FCHO1: variants seen among roughly 807,000 people sequenced by gnomAD.
FCHO1 encodes the protein FCH and mu domain containing endocytic adaptor 1, also known as F-BAR domain only protein 1.
In FCHO1, 45 loss-of-function variants were observed where a neutral mutation model predicts 114.4. That is an observed-to-expected ratio of 0.39 (90% CI 0.31 to 0.50). The LOEUF (loss-of-function observed/expected upper bound fraction) is 0.50. Among genes scored for constraint, FCHO1 ranks in the 20% least tolerant of loss-of-function variants. The probability of loss-of-function intolerance (pLI) is 0.77; values close to 1 mark genes in which losing one functional copy is unlikely to be tolerated. For synonymous variants in FCHO1, 480 were observed against 488.9 expected, an observed-to-expected ratio of 0.98 and a Z score of 0.24; for missense variants, 1,042 against 1,209.6, an observed-to-expected ratio of 0.86 and a Z score of 2.06.
rs1475295384 is a variant in FCHO1, at chr19:17,770,856, C to T, written c.554C>T (p.Ala185Val). 3 of 1,614,152 alleles carry T rather than the reference C, an allele frequency of 1.9e-6. No individual in the cohort carries two copies. The highest frequency in any genetic ancestry group is 3.3e-5 in the Admixed American group (2 of 60,024). Reference sequence around the variant, plus strand: ...CGCTCAGTGGAAAAATACAACTCAGCCCGAGCTGACTTTGAGCAGAAGATG... The same window carrying T: ...CGCTCAGTGGAAAAATACAACTCAGTCCGAGCTGACTTTGAGCAGAAGATG... ...LRRSVEKYNS[A>V]RADFEQKMLD... The change falls in exon 9 of 29, where the codon GCC becomes GTC. Residue 185 changes from alanine (A) to valine (V), a missense_variant. Physicochemically the swap from Ala to Val is moderately conservative, Grantham distance 64. This residue lies in a region of FCHO1 where 450 missense variants were observed against 564.1 expected (regional missense o/e 0.80). Coordinates refer to ENST00000596536, the MANE Select transcript of FCHO1 (RefSeq NM_015122.3).
chr19:17,754,981 G>A, intron 3 of FCHO1, 137 bp from the exon 4 acceptor site: 1 of 684,924 alleles, frequency 1.5e-6, no homozygotes, highest in South Asian at 1.6e-5. Flanking sequence ...TATCTCAGGG[G>A]TCCTGGCATG....
chr19:17,774,113 T>A, intron 11 of FCHO1, 126 bp from the exon 12 acceptor site: 1 of 801,278 alleles, frequency 1.2e-6, no homozygotes, highest in Non-Finnish European at 2.1e-6. Context: ...TTCACCATGG[T>A]GGCCAGGCTG....
chr19:17,781,469 C>T lies in FCHO1; in HGVS notation c.1758C>T (p.Pro586=). 3 of 1,614,092 alleles carry T rather than the reference C, an allele frequency of 1.9e-6. No individual in the cohort carries two copies. Among genetic ancestry groups the T allele is most frequent in the Non-Finnish European group, 2.5e-6 (3 of 1,179,998 alleles). ...CCTTCCAGTCTCGTTCCCTGAGCCC[C>T]TCCCCACTGGGCTCTTCAGCCGCCA... The part of the protein sequence containing the change: ...SNGDLSRSLS[P]SPLGSSAAST... The change falls in exon 22 of 29, where the codon CCC becomes CCT. Residue 586 remains proline (P), a synonymous_variant. Coordinates refer to ENST00000596536, the MANE Select transcript of FCHO1 (RefSeq NM_015122.3).
At chr19:17,770,318 AAC>A (rs200187010) in intron 7 of FCHO1, 105 bp from the exon 8 acceptor site, 3,197 of 1,190,394 alleles carry the variant, frequency 2.7e-3, no homozygotes, top group South Asian at 3.3e-3. Context: ...ACCAAACCAA[AAC>A]ACACACACAC....
At chr19:17,766,255 C>T (rs1227607740) in intron 6 of FCHO1, among the ~76,000 whole-genome samples, 1 of 149,556 alleles carries the variant, frequency 6.7e-6, no homozygotes, top group East Asian at 2.0e-4. Context: ...CGGCTCGCTG[C>T]AAGCTCCACC....
chr19:17,781,593 G>C, intron 22 of FCHO1, 54 bp downstream of exon 22: 1 of 1,593,380 alleles, frequency 6.3e-7, no homozygotes. Context: ...ACCTTCTCTG[G>C]TCTGGGTGGG....
chr19:17,783,954 T>C, intron 24 of FCHO1, 149 bp from the exon 25 acceptor site: 1 of 907,450 alleles, frequency 1.1e-6, no homozygotes. Flanking sequence ...ATCCCTCCTT[T>C]ACTGCCCGCA....
chr19:17,781,576 C>G, intron 22 of FCHO1, 37 bp downstream of exon 22: 1 of 1,605,938 alleles, frequency 6.2e-7, no homozygotes, highest in Non-Finnish European at 8.5e-7. Context: ...CTTTGGGCCT[C>G]AGTGTCACCT....
chr19:17,783,208 G>A (rs2093582100), intron 24 of FCHO1, 36 bp downstream of exon 24: 2 of 1,598,202 alleles, frequency 1.3e-6, no homozygotes, highest in Non-Finnish European at 8.6e-7. Flanking sequence ...GGCCTCGGAG[G>A]CTGCTGGGGA....
rs767803812 is a variant in FCHO1, at chr19:17,774,447, C to T, written c.889C>T (p.Arg297Trp). The change falls in exon 13 of 29, where the codon CGG becomes TGG. Residue 297 changes from arginine to tryptophan, a missense_variant. Transcript: ENST00000596536. ...CTTTCGCCTTCCAGGACTAAGCCGGCGGGAGCGGGAGCCAGAGCCACCTGC... is the reference window on the plus strand; with the variant it reads ...CTTTCGCCTTCCAGGACTAAGCCGGTGGGAGCGGGAGCCAGAGCCACCTGC... ...KAFRLPGLSR[R>W]EREPEPPAAV... The T allele has an allele frequency of 1.7e-5, 27 of 1,613,292 alleles. No individual in the cohort carries two copies. In the Admixed American group the frequency reaches 2.2e-4, roughly 13 times the overall value.
In FCHO1 at chr19:17,778,194, C is replaced by T; in HGVS notation, c.1317C>T (p.Pro439=). The part of the protein sequence containing the change: ...EQVSKNLFGP[P]LESAFDHEDF... ...TGTCCAAGAACCTCTTTGGGCCGCC[C>T]CTGGAGTCAGCCTTTGACCACGAAG... is the stretch of plus-strand genomic sequence containing the variant. The change falls in exon 19 of 29, where the codon CCC becomes CCT. Residue 439 remains proline (P), a synonymous_variant. Coordinates refer to ENST00000596536, the MANE Select transcript of FCHO1 (RefSeq NM_015122.3). 6.2e-7 allele frequency: 1 copy of T among 1,613,666 alleles called. No individual in the cohort carries two copies. The highest frequency in any genetic ancestry group is 1.3e-5 in the African/African-American group (1 of 74,998).
Position 17,786,345 on chromosome 19 carries a change from A to G in FCHO1, c.2427-229A>G, listed in dbSNP as rs560520484. Reference sequence around the variant, plus strand: ...GAGACACCATCTCAAAAAAACACACAAAAAAACACAAAACAAACACACACA... The same window carrying G: ...GAGACACCATCTCAAAAAAACACACGAAAAAACACAAAACAAACACACACA... On this transcript the variant is annotated intron_variant, in intron 26 of 28. Coordinates refer to ENST00000596536, the MANE Select transcript of FCHO1 (RefSeq NM_015122.3). 2.2e-5 allele frequency among the ~76,000 whole-genome samples: 3 copies of G among 135,302 alleles called. No individual in the cohort carries two copies. The South Asian group carries it at 6.7e-4, about 30-fold the overall frequency. The allele number at this position is 135,302 out of a possible 152,430, so 88.8% of individuals were successfully genotyped here. A position where few individuals can be genotyped will look rare whatever the true frequency, so the allele number is the denominator to read the frequency against.
intron 20 of FCHO1, 104 bp from the exon 21 acceptor site, chr19:17,781,127 C>A: frequency 1.3e-6 from 1 of 767,538 alleles, no homozygotes; most frequent in Non-Finnish European, 2.2e-6. Flanking sequence ...GGGGTCTCTG[C>A]AGAAAAGCCC....
At chr19:17,774,206 GC>G in intron 11 of FCHO1, 32 bp from the exon 12 acceptor site, 1 of 1,611,650 alleles carries the variant, frequency 6.2e-7, no homozygotes, top group Non-Finnish European at 8.5e-7. Context: ...ACCGTGCCCA[GC>G]CCCTCAATTG....
chr19:17,757,653 C>T lies in FCHO1; in HGVS notation c.27+2462C>T, dbSNP rs144129530. 4.4e-3 allele frequency among the ~76,000 whole-genome samples: 663 copies of T among 152,274 alleles called. 3 individuals are homozygous for T. The highest frequency in any genetic ancestry group is 0.015 in the African/African-American group (626 of 41,546). On this transcript the variant is annotated intron_variant, in intron 4 of 28. Transcript: ENST00000596536. The stretch of plus-strand genomic sequence containing the variant: ...AATATAGGTGGAGCGTGGTAGCTCA[C>T]GTCTGTAATCCAAACACTTTGAGAA...
At chr19:17,756,619 TG>T (rs2083616571) in intron 4 of FCHO1, among the ~76,000 whole-genome samples, 1 of 151,998 alleles carries the variant, frequency 6.6e-6, no homozygotes, top group Non-Finnish European at 1.5e-5. Context: ...TTTCCCCATC[TG>T]GGAAAAAGGG....
chr19:17,777,368 C>T (rs1329965281), intron 18 of FCHO1, among the ~76,000 whole-genome samples: 1 of 151,742 alleles, frequency 6.6e-6, no homozygotes, highest in African/African-American at 2.4e-5. Context: ...GAAACCCCAT[C>T]TCTACTAAAA....
intron 7 of FCHO1, among the ~76,000 whole-genome samples, chr19:17,769,572 T>C (rs12982472): frequency 0.74 from 110,171 of 149,186 alleles, 40,859 homozygotes; most frequent in Middle Eastern, 0.88. Context: ...CAGCGAGACT[T>C]CGTCTCAAAC....
In FCHO1 at chr19:17,781,705, C is replaced by A; in HGVS notation, c.1829-7C>A. The stretch of plus-strand genomic sequence containing the variant: ...GTTGTTCCCCATTCCCTCTCCACCA[C>A]CCCCAGGAGTCTCCCGGGGTCCGAG... On this transcript the variant is annotated splice_region_variant and splice_polypyrimidine_tract_variant and intron_variant, in intron 22 of 28. Coordinates refer to ENST00000596536, the MANE Select transcript of FCHO1 (RefSeq NM_015122.3). 1 of 1,589,186 alleles carries A rather than the reference C, an allele frequency of 6.3e-7. No homozygotes were observed. The highest frequency in any genetic ancestry group is 8.6e-7 in the Non-Finnish European group (1 of 1,164,382).
Sources: gnomAD v4.1 joint callset for allele counts (sites outside exome capture counted in the v4.1 genomes callset) on GRCh38, gnomAD v4.1.1 for gene constraint, gnomAD v4.1.1 regional missense constraint, MANE v1.5 for transcripts, NCBI Gene and HGNC (gene_info 2026-07-23, HGNC 2026-07-21) for gene names.